Variants in VSIG4 observed in about 807,000 individuals in gnomAD.
VSIG4 encodes V-set and immunoglobulin domain containing 4.
In VSIG4, 34 loss-of-function variants were observed where a neutral mutation model predicts 23.4. The observed-to-expected ratio is 1.45, with a 90% CI of 1.10 to 1.93. The LOEUF (loss-of-function observed/expected upper bound fraction) is 1.93, where lower values mean the gene tolerates loss of function less well. Ranked by LOEUF, VSIG4 falls within the 30% of genes most tolerant of loss-of-function variation. VSIG4 has a pLI of 0.00. For synonymous variants in VSIG4, 169 were observed against 120.3 expected (o/e 1.41, Z -2.65); for missense variants, 433 against 310.8 (o/e 1.39, Z -2.96).
intron 3 of VSIG4, among the ~76,000 whole-genome samples, chrX:66,031,504 A>G (rs948367541): frequency 8.2e-5 from 9 of 110,166 alleles, no homozygotes; most frequent in Non-Finnish European, 1.7e-4. Flanking sequence ...TCCTAGCCCA[A>G]ATGGTAATAA....
chrX:66,027,620 C>T (rs1402605503), intron 4 of VSIG4, 94 bp from the exon 5 acceptor site: 9 of 685,344 alleles, frequency 1.3e-5, no homozygotes, highest in Non-Finnish European at 1.8e-5. Flanking sequence ...CCTTCCCTGG[C>T]CATTTGTGCT....
chrX:66,029,655 A>T (rs1244392399), intron 3 of VSIG4, among the ~76,000 whole-genome samples: 1 of 111,889 alleles, frequency 8.9e-6, no homozygotes, highest in African/African-American at 3.3e-5. Flanking sequence ...AGAAAGAAAG[A>T]GCCTAATAAG....
In VSIG4 at chrX:66,032,590, G is replaced by T. The variant is rs1439554665; in HGVS notation, c.572C>A (p.Ala191Glu). ...QTNNQEPIKV[A>E]TLSTLLFKPA... ...CTTGAAGAGTAAGGTACTTAGGGTTGCTACTTTGATGGGTTCCTGGTTATT... is the reference window on the plus strand; with the variant it reads ...CTTGAAGAGTAAGGTACTTAGGGTTTCTACTTTGATGGGTTCCTGGTTATT... The change falls in exon 3 of 8, where the codon GCA becomes GAA. Residue 191 changes from alanine to glutamate, a missense_variant. Transcript: ENST00000374737. 1.7e-6 allele frequency: 2 copies of T among 1,211,575 alleles called. No individual in the cohort carries two copies. Among genetic ancestry groups the T allele is most frequent in the Non-Finnish European group, 2.2e-6 (2 of 895,419 alleles).
intron 1 of VSIG4, among the ~76,000 whole-genome samples, chrX:66,036,892 T>A (rs1367278998): frequency 2.8e-5 from 1 of 36,105 alleles, no homozygotes; most frequent in East Asian, 1.2e-3. Context: ...ATATTATATA[T>A]TTTATTATAT....
At chrX:66,023,124 T>C (rs2085351789) in intron 6 of VSIG4, among the ~76,000 whole-genome samples, 1 of 110,699 alleles carries the variant, frequency 9.0e-6, no homozygotes, top group South Asian at 3.9e-4. Flanking sequence ...GCTGGAGCAG[T>C]TTCTCGGTAT....
In VSIG4 at chrX:66,032,484, C is replaced by T. The variant is rs183427354; in HGVS notation, c.678G>A (p.Val226=). 1.4e-5 allele frequency: 17 copies of T among 1,208,398 alleles called. No homozygotes were observed. The East Asian group carries it at 3.6e-4, about 25-fold the overall frequency. ...QVGSEQHSDI[V]KFVVKDSSKL... ...GCCGCTCACCTTTGACCACAAACTT[C>T]ACAATGTCGCTGTGCTGCTCAGAGC... The change falls in exon 3 of 8, where the codon GTG becomes GTA. Residue 226 remains valine, a synonymous_variant. Transcript: ENST00000374737.
intron 5 of VSIG4, among the ~76,000 whole-genome samples, chrX:66,025,901 G>A (rs2085384783): frequency 8.9e-6 from 1 of 112,234 alleles, no homozygotes; most frequent in East Asian, 2.8e-4. Flanking sequence ...CCCTCCAAAG[G>A]GAACATAGCC....
intron 3 of VSIG4, 97 bp downstream of exon 3, chrX:66,032,371 C>T: frequency 1.9e-6 from 2 of 1,046,096 alleles, no homozygotes; most frequent in Non-Finnish European, 2.6e-6. Context: ...TTGGGATCCT[C>T]CTCTCCCAAT....
chrX:66,037,761 T>C (rs917251788), intron 1 of VSIG4, among the ~76,000 whole-genome samples: 3 of 102,966 alleles, frequency 2.9e-5, no homozygotes, highest in Non-Finnish European at 5.9e-5. Context: ...CTGATACGTA[T>C]ATATACTTAT....
chrX:66,036,989 T>TC (rs2085580375), intron 1 of VSIG4, among the ~76,000 whole-genome samples: 1 of 25,083 alleles, frequency 4.0e-5, no homozygotes, highest in Non-Finnish European at 5.2e-5. Flanking sequence ...ATATATCATA[T>TC]AATATAATAT....
chrX:66,033,995 A>G (rs1410256127), intron 1 of VSIG4, among the ~76,000 whole-genome samples, 165 bp from the exon 2 acceptor site: 2 of 111,987 alleles, frequency 1.8e-5, no homozygotes, highest in Non-Finnish European at 3.8e-5. Context: ...CAGCCTTCTC[A>G]TCAATCAGAA....
In VSIG4 at chrX:66,032,630, A is replaced by G; in HGVS notation, c.532T>C (p.Tyr178His). Residue 178 changes from tyrosine (Y) to histidine (H), a missense_variant, in exon 3 of 8, where the codon TAT becomes CAT. Coordinates refer to ENST00000374737, the MANE Select transcript of VSIG4 (RefSeq NM_007268.3). ...TCCTGGTTATTAGTCTGTTGCTTAT[A>G]CCAAATATAACTGATGGGAGGAGAA... is the stretch of plus-strand genomic sequence containing the variant. ...RGSPPISYIWYKQQTNNQEPI... is the reference protein window; with the variant it reads ...RGSPPISYIWHKQQTNNQEPI... 2.5e-6 allele frequency: 3 copies of G among 1,211,348 alleles called. No homozygotes were observed. Among genetic ancestry groups the G allele is most frequent in the African/African-American group, 1.7e-5 (1 of 57,651 alleles).
chrX:66,031,651 G>T (rs1017914412), intron 3 of VSIG4, among the ~76,000 whole-genome samples: 1 of 110,804 alleles, frequency 9.0e-6, no homozygotes, highest in Non-Finnish European at 1.9e-5. Context: ...ACCTTGTTGG[G>T]GTGTCTTTCT....
rs2085579032 is a variant in VSIG4, at chrX:66,036,973, A to ATATAATATATCATATAATATAATATATC, written c.55+2970_55+2971insGATATATTATATTATATGATATATTATA. ...TATTATATTATATTATATAATATAT[A>ATATAATATATCATATAATATAATATATC]ATATAATATATCATATAATATAATA... On this transcript the variant is annotated intron_variant, in intron 1 of 7. Coordinates refer to ENST00000374737, the MANE Select transcript of VSIG4 (RefSeq NM_007268.3). Among the ~76,000 whole-genome samples the ATATAATATATCATATAATATAATATATC allele has an allele frequency of 2.1e-4, 5 of 24,162 alleles. 1 individual carries two copies. Among genetic ancestry groups the ATATAATATATCATATAATATAATATATC allele is most frequent in the African/African-American group, 5.6e-4 (2 of 3,561 alleles). 21.0% of individuals were successfully genotyped at this position (24,162 alleles called of 115,157 possible).
chrX:66,024,894 AC>A, intron 6 of VSIG4, 130 bp downstream of exon 6: 1 of 434,934 alleles, frequency 2.3e-6, no homozygotes, highest in Middle Eastern at 4.0e-4. Flanking sequence ...CTGCACCCCA[AC>A]CTTAACTCCC....
rs1426634577 is a variant in VSIG4 at position 66,032,680 on chromosome X, A to G, written c.482T>C (p.Ile161Thr). 7.4e-6 allele frequency: 9 copies of G among 1,209,614 alleles called. No homozygotes were observed. In the Admixed American group the frequency reaches 1.7e-4, roughly 24 times the overall value. Residue 161 changes from isoleucine (I) to threonine (T), a missense_variant, in exon 3 of 8, where the codon ATT becomes ACT. By Grantham distance (89) the Ile-to-Thr change is moderately conservative. Transcript: ENST00000374737. ...YGFTVPQGMR[I>T]SLQCQARGSP... ...ACCCCGAGCCTGGCATTGAAGGCTAATCCTCATTCCCTGGGGCACCGTGAA... is the reference window on the plus strand; with the variant it reads ...ACCCCGAGCCTGGCATTGAAGGCTAGTCCTCATTCCCTGGGGCACCGTGAA...
chrX:66,032,408 G>C, intron 3 of VSIG4, 60 bp downstream of exon 3: 1 of 1,155,066 alleles, frequency 8.7e-7, no homozygotes, highest in Middle Eastern at 3.4e-4. Context: ...GGCACCTTTT[G>C]AGGTATCTTT....
At chrX:66,029,864 C>T (rs1312284574) in intron 3 of VSIG4, among the ~76,000 whole-genome samples, 2 of 111,013 alleles carry the variant, frequency 1.8e-5, no homozygotes, top group African/African-American at 6.6e-5. Context: ...GGTAACTAGA[C>T]ACTGGGATCT....
chrX:66,033,589 T>C lies in VSIG4; in HGVS notation c.297A>G (p.Gln99=). The C allele has an allele frequency of 1.7e-6, 2 of 1,211,307 alleles. No homozygotes were observed. The highest frequency in any genetic ancestry group is 2.2e-6 in the Non-Finnish European group (2 of 895,335). Residue 99 remains glutamine (Q), a synonymous_variant, in exon 2 of 8, where the codon CAA becomes CAG. Transcript: ENST00000374737. ...SHKVPGDVSL[Q]LSTLEMDDRS... ...GGTCATCCATCTCCAGGGTGCTCAATTGGAGGGATACATCTCCTGGAACCT... is the reference window on the plus strand; with the variant it reads ...GGTCATCCATCTCCAGGGTGCTCAACTGGAGGGATACATCTCCTGGAACCT...
Sources: allele counts gnomAD v4.1 joint callset (sites outside exome capture counted in the v4.1 genomes callset), GRCh38; gene constraint gnomAD v4.1.1; transcripts MANE v1.5; gene names NCBI Gene and HGNC (gene_info 2026-07-23, HGNC 2026-07-21).